SCHIP1: variants seen among roughly 807,000 people sequenced by gnomAD.
SCHIP1 encodes the protein schwannomin-interacting protein 1.
A neutral mutation model predicts 29.7 loss-of-function variants in SCHIP1; 8 were observed. The observed-to-expected ratio is 0.27, with a 90% CI of 0.16 to 0.49. SCHIP1 has a LOEUF of 0.49. Among genes scored for constraint, SCHIP1 ranks in the 20% least tolerant of loss-of-function variants. The probability of loss-of-function intolerance (pLI) is 0.99; values close to 1 mark genes in which losing one functional copy is unlikely to be tolerated. For missense variants in SCHIP1, 193 were observed against 294.6 expected (o/e 0.66, Z 2.52); for synonymous variants, 76 against 94.9 (o/e 0.80, Z 1.16).
chr3:159,530,993 A>G, the SCHIP1 span, among the ~76,000 whole-genome samples: 1 of 152,198 alleles, frequency 6.6e-6, no homozygotes, highest in Non-Finnish European at 1.5e-5. Flanking sequence ...CTCTTCTGAC[A>G]GTTCACTGCC....
chr3:159,610,723 G>A, the SCHIP1 span, among the ~76,000 whole-genome samples: 6 of 152,026 alleles, frequency 3.9e-5, no homozygotes, highest in Non-Finnish European at 8.8e-5. Flanking sequence ...CAGAGGTCTG[G>A]TATAGAATGG....
chr3:159,273,283 T>A, the SCHIP1 span: 1 of 986,098 alleles, frequency 1.0e-6, no homozygotes, highest in Non-Finnish European at 1.2e-6. Context: ...GCCTGATTTC[T>A]GCTGTGATAA....
chr3:159,781,527 C>G, the SCHIP1 span, among the ~76,000 whole-genome samples: 15 of 152,302 alleles, frequency 9.8e-5, no homozygotes, highest in South Asian at 2.1e-4. Context: ...CAAAGCATAG[C>G]ACACAAAATG....
chr3:159,383,345 C>A, the SCHIP1 span, among the ~76,000 whole-genome samples: 1 of 150,372 alleles, frequency 6.7e-6, no homozygotes, highest in Non-Finnish European at 1.5e-5. Context: ...GTTTTCCCAG[C>A]ACCATTTATT....
chr3:159,777,591 A>G, the SCHIP1 span, among the ~76,000 whole-genome samples: 1 of 152,186 alleles, frequency 6.6e-6, no homozygotes, highest in African/African-American at 2.4e-5. Flanking sequence ...GAACTGTGTC[A>G]TGATTTATTT....
chr3:159,452,363 A>G, the SCHIP1 span, among the ~76,000 whole-genome samples: 2 of 151,796 alleles, frequency 1.3e-5, no homozygotes, highest in East Asian at 3.9e-4. Context: ...ATGTGTTCCC[A>G]TTGTTCAACT....
the SCHIP1 span, chr3:159,387,102 G>A: frequency 1.7e-5 from 3 of 177,884 alleles, no homozygotes; most frequent in Admixed American, 1.3e-4. Context: ...ATGATGTGGA[G>A]CATACCAATC....
At chr3:159,458,707 C>G in the SCHIP1 span, among the ~76,000 whole-genome samples, 42 of 152,184 alleles carry the variant, frequency 2.8e-4, 1 homozygote, top group African/African-American at 9.9e-4. Flanking sequence ...AACTTGCACA[C>G]TGAAGAGAAG....
At chr3:159,371,516 A>G in the SCHIP1 span, among the ~76,000 whole-genome samples, 1 of 152,206 alleles carries the variant, frequency 6.6e-6, no homozygotes, top group South Asian at 2.1e-4. Flanking sequence ...GGTCATGTAT[A>G]AGGGCATTCC....
chr3:159,712,915 T>A, the SCHIP1 span, among the ~76,000 whole-genome samples: 576 of 149,634 alleles, frequency 3.8e-3, 1 homozygote, highest in African/African-American at 0.014. Context: ...TAATCCCACT[T>A]TGGGAGGCCA....
the SCHIP1 span, among the ~76,000 whole-genome samples, chr3:159,585,076 C>T: frequency 2.0e-5 from 3 of 151,500 alleles, no homozygotes; most frequent in Non-Finnish European, 2.9e-5. Flanking sequence ...CCTGCCCCAC[C>T]GCATCTACCA....
chr3:159,300,359 C>T, the SCHIP1 span, among the ~76,000 whole-genome samples: 1 of 151,712 alleles, frequency 6.6e-6, no homozygotes, highest in Admixed American at 6.6e-5. Flanking sequence ...ATCTGTAATT[C>T]CTGTTCTCAA....
At chr3:159,634,965 T>C in the SCHIP1 span, among the ~76,000 whole-genome samples, 1 of 152,246 alleles carries the variant, frequency 6.6e-6, no homozygotes, top group East Asian at 1.9e-4. Flanking sequence ...TTTTGAGAGC[T>C]CCACCTGATC....
Position 159,861,811 on chromosome 3 carries a change from T to C in SCHIP1, c.31-4352T>C, listed in dbSNP as rs1226009147. Among the ~76,000 whole-genome samples, 1 of 152,212 alleles carries C rather than the reference T, an allele frequency of 6.6e-6. No homozygotes were observed. The highest frequency in any genetic ancestry group is 1.5e-5 in the Non-Finnish European group (1 of 68,018). On this transcript the variant is annotated intron_variant, in intron 1 of 6. Transcript: ENST00000445224. The surrounding 1 kb of genome is among the most constrained non-coding windows in gnomAD (Gnocchi z 4.1). ...TGGACATGGTTCTGCCTGTCATAAGTGCAGCCAGACAGTGGTGTTTTGAGT... is the reference window on the plus strand; with the variant it reads ...TGGACATGGTTCTGCCTGTCATAAGCGCAGCCAGACAGTGGTGTTTTGAGT...
chr3:159,707,276 T>C, the SCHIP1 span, among the ~76,000 whole-genome samples: 4 of 152,152 alleles, frequency 2.6e-5, no homozygotes, highest in Admixed American at 1.3e-4. Context: ...CAAAAAGCAA[T>C]ATGGTATAAT....
the SCHIP1 span, chr3:159,375,587 A>G: frequency 6.5e-6 from 1 of 152,776 alleles, no homozygotes; most frequent in Non-Finnish European, 1.5e-5. Flanking sequence ...ATACAAAAAA[A>G]TTAGCCAGGC....
chr3:159,798,168 CA>C, the SCHIP1 span, among the ~76,000 whole-genome samples: 36 of 152,274 alleles, frequency 2.4e-4, no homozygotes, highest in African/African-American at 8.7e-4. Context: ...TTTTATATAA[CA>C]ATTAGTATTA....
chr3:159,423,631 G>GCACAGACAACA, the SCHIP1 span, among the ~76,000 whole-genome samples: 1 of 152,156 alleles, frequency 6.6e-6, no homozygotes, highest in African/African-American at 2.4e-5. Flanking sequence ...TGGGGGCAGC[G>GCACAGACAACA]CACAGACAAA....
At chr3:159,468,400 T>G in the SCHIP1 span, among the ~76,000 whole-genome samples, 1 of 152,070 alleles carries the variant, frequency 6.6e-6, no homozygotes, top group African/African-American at 2.4e-5. Context: ...CTGAAGGACT[T>G]TCACAAACCT....
Sources: allele counts gnomAD v4.1 joint callset (sites outside exome capture counted in the v4.1 genomes callset), GRCh38; gene constraint gnomAD v4.1.1; non-coding constraint Gnocchi (gnomAD v3.1); transcripts MANE v1.5; gene names NCBI Gene and HGNC (gene_info 2026-07-23, HGNC 2026-07-21).